GPC5: variants seen among roughly 807,000 people sequenced by gnomAD.
The protein encoded by GPC5 is glypican-5.
Under a neutral mutation model 53.9 loss-of-function variants are expected in GPC5, and 47 were observed. The observed-to-expected ratio is 0.87, with a 90% CI of 0.69 to 1.11. The LOEUF is 1.11. Among genes scored for constraint, GPC5 ranks in the 50% most tolerant of loss-of-function variants. The probability of loss-of-function intolerance (pLI) is 0.00; values close to 1 mark genes in which losing one functional copy is unlikely to be tolerated. For synonymous variants in GPC5, 286 were observed against 263.3 expected (o/e 1.09, Z -0.84); for missense variants, 748 against 713.1 (o/e 1.05, Z -0.56).
At chr13:91,718,565 A>G (rs991710849) in intron 3 of GPC5, among the ~76,000 whole-genome samples, 5 of 152,134 alleles carry the variant, frequency 3.3e-5, no homozygotes, top group African/African-American at 1.2e-4. Flanking sequence ...ATGAGGGTTT[A>G]AAATATCACA....
intron 7 of GPC5, among the ~76,000 whole-genome samples, chr13:92,782,890 T>C (rs1344209810): frequency 2.6e-5 from 4 of 152,132 alleles, no homozygotes; most frequent in African/African-American, 9.7e-5. Context: ...AGAGACCCCA[T>C]ATAGCTATGG....
At chr13:91,691,594 C>T (rs1368053112) in intron 2 of GPC5, among the ~76,000 whole-genome samples, 1 of 152,080 alleles carries the variant, frequency 6.6e-6, no homozygotes, top group Non-Finnish European at 1.5e-5. Flanking sequence ...CTTTTAAAAG[C>T]TGTTACCTTT....
chr13:91,932,848 C>G (rs1355569185), intron 6 of GPC5, among the ~76,000 whole-genome samples: 1 of 151,952 alleles, frequency 6.6e-6, no homozygotes, highest in Non-Finnish European at 1.5e-5. Context: ...GACTGCATTT[C>G]TCTAAGTATA....
At chr13:91,996,665 G>C (rs544588131) in intron 6 of GPC5, 4 of 152,276 alleles carry the variant, frequency 2.6e-5, no homozygotes, top group African/African-American at 9.6e-5. Flanking sequence ...CCCCCACTTT[G>C]TGTTCTCTTT....
intron 2 of GPC5, among the ~76,000 whole-genome samples, chr13:91,645,550 G>A (rs1484477418): frequency 3.3e-5 from 5 of 152,184 alleles, no homozygotes; most frequent in Non-Finnish European, 7.3e-5. Context: ...TACTTCATGA[G>A]AATTTATGAC....
rs5805694 is a variant in GPC5 at position 91,451,620 on chromosome 13, G to GTT, written c.325+2708_325+2709dup. On this transcript the variant is annotated intron_variant, in intron 2 of 7. Transcript: ENST00000377067. ...TCTAGGACAACTCTTCTGTTTGTTT[G>GTT]TTTTTTTTTTTCCCCGAGGTGGAGT... Among the ~76,000 whole-genome samples the GTT allele has an allele frequency of 2.1e-3, 314 of 148,160 alleles. 1 individual carries two copies. Among genetic ancestry groups the GTT allele is most frequent in the African/African-American group, 5.6e-3 (224 of 40,324 alleles).
chr13:92,685,560 A>AT lies in GPC5; in HGVS notation c.1562-180708dup, dbSNP rs747173185. 7.8e-4 allele frequency among the ~76,000 whole-genome samples: 94 copies of AT among 120,854 alleles called. 3 individuals are homozygous for AT. In the East Asian group the frequency reaches 0.012, roughly 16 times the overall value. The allele number at this position is 120,854 out of a possible 152,430, so 79.3% of individuals were successfully genotyped here. On this transcript the variant is annotated intron_variant, in intron 7 of 7. Coordinates refer to ENST00000377067, the MANE Select transcript of GPC5 (RefSeq NM_004466.6). ...ATTATGCTCATTTTTTTTTTTTTTA[A>AT]TTTTTTTTTTTTTTATTATACTCTA...
intron 7 of GPC5, among the ~76,000 whole-genome samples, chr13:92,576,207 G>A (rs1883185482): frequency 6.6e-6 from 1 of 152,168 alleles, no homozygotes. Context: ...AGACATAAAT[G>A]TGTTTTATGA....
At chr13:91,810,062 C>G (rs990975204) in intron 5 of GPC5, among the ~76,000 whole-genome samples, 1 of 151,842 alleles carries the variant, frequency 6.6e-6, no homozygotes, top group Non-Finnish European at 1.5e-5. Context: ...GGGAGGAAAT[C>G]ATATTTTTTT....
rs1224409071 is a variant in GPC5, at chr13:92,428,560, T to A, written c.1561+283571T>A. Among the ~76,000 whole-genome samples, 3 of 152,164 alleles carry A rather than the reference T, an allele frequency of 2.0e-5. 1 individual carries two copies. In the South Asian group the frequency reaches 6.2e-4, roughly 32 times the overall value. On this transcript the variant is annotated intron_variant, in intron 7 of 7. Transcript: ENST00000377067. ...TCTGATCATTGTTGGCTCAAATATA[T>A]CTTGCTCAGAGAAACTGAGTTTGAA...
At chr13:92,485,200 C>T (rs1879508523) in intron 7 of GPC5, among the ~76,000 whole-genome samples, 1 of 152,112 alleles carries the variant, frequency 6.6e-6, no homozygotes, top group African/African-American at 2.4e-5. Context: ...GAATTATCTT[C>T]AATTTTTGTA....
At chr13:91,740,875 G>A (rs192616653) in intron 4 of GPC5, among the ~76,000 whole-genome samples, 12 of 152,200 alleles carry the variant, frequency 7.9e-5, no homozygotes, top group East Asian at 1.9e-4. Flanking sequence ...AGCTTAAATC[G>A]GTGATAATTA....
At chr13:91,881,650 C>T (rs1345157907) in intron 5 of GPC5, among the ~76,000 whole-genome samples, 1 of 152,120 alleles carries the variant, frequency 6.6e-6, no homozygotes, top group East Asian at 1.9e-4. Flanking sequence ...AAACATGGTT[C>T]CAAGGACCAG....
chr13:92,164,507 G>A (rs2042013091), intron 7 of GPC5, among the ~76,000 whole-genome samples: 1 of 152,218 alleles, frequency 6.6e-6, no homozygotes, highest in Admixed American at 6.5e-5. Flanking sequence ...TCACACTGAT[G>A]CAAGAGGTGG....
chr13:91,458,632 G>A (rs1374320264), intron 2 of GPC5, among the ~76,000 whole-genome samples: 2 of 152,038 alleles, frequency 1.3e-5, no homozygotes, highest in African/African-American at 4.8e-5. Context: ...GTGAAAAGGG[G>A]GCACTTTTAC....
intron 6 of GPC5, among the ~76,000 whole-genome samples, chr13:91,917,287 C>T (rs2039668907): frequency 6.6e-6 from 1 of 152,222 alleles, no homozygotes; most frequent in African/African-American, 2.4e-5. Context: ...TCCCAATGAT[C>T]TCCTTTGGCA....
chr13:92,174,569 CAAA>C (rs888956166), intron 7 of GPC5, among the ~76,000 whole-genome samples: 31 of 149,208 alleles, frequency 2.1e-4, no homozygotes, highest in African/African-American at 6.9e-4. Flanking sequence ...ACAACAACAA[CAAA>C]AAAAACAAAA....
At chr13:91,978,954 C>A (rs149123732) in intron 6 of GPC5, among the ~76,000 whole-genome samples, 15 of 152,138 alleles carry the variant, frequency 9.9e-5, no homozygotes, top group African/African-American at 3.4e-4. Context: ...AAGATGAAAG[C>A]AGGGAATTAA....
intron 7 of GPC5, among the ~76,000 whole-genome samples, chr13:92,271,441 C>T (rs2042839054): frequency 6.6e-6 from 1 of 152,172 alleles, no homozygotes; most frequent in East Asian, 1.9e-4. Context: ...TTTCCATGAA[C>T]CAGAGTCTTT....
Sources: allele counts gnomAD v4.1 joint callset (sites outside exome capture counted in the v4.1 genomes callset), GRCh38; gene constraint gnomAD v4.1.1; transcripts MANE v1.5; gene names NCBI Gene and HGNC (gene_info 2026-07-23, HGNC 2026-07-21).